Variants in KSR2 observed in about 807,000 individuals in gnomAD.
KSR2 encodes kinase suppressor of ras 2.
Under a neutral mutation model 107.8 loss-of-function variants are expected in KSR2, and 25 were observed. The observed-to-expected ratio is 0.23, with a 90% CI of 0.17 to 0.32. The LOEUF (loss-of-function observed/expected upper bound fraction) is 0.32, where lower values mean the gene tolerates loss of function less well. Ranked by LOEUF, KSR2 falls within the 10% of genes least tolerant of loss-of-function variation. KSR2 has a pLI of 1.00. For synonymous variants in KSR2, 480 were observed against 507.0 expected (o/e 0.95, Z 0.71); for missense variants, 887 against 1,268.9 (o/e 0.70, Z 4.57).
At chr12:117,687,953 G>A (rs1011923874) in intron 4 of KSR2, among the ~76,000 whole-genome samples, 4 of 152,148 alleles carry the variant, frequency 2.6e-5, no homozygotes, top group African/African-American at 9.7e-5. Flanking sequence ...TGTCAATCCT[G>A]AGAGTTATCC....
chr12:117,489,694 C>CAG (rs1872649057), intron 14 of KSR2, among the ~76,000 whole-genome samples: 1 of 152,126 alleles, frequency 6.6e-6, no homozygotes, highest in African/African-American at 2.4e-5. Context: ...AGAGTATTTG[C>CAG]AGATGGGCAA....
intron 3 of KSR2, among the ~76,000 whole-genome samples, chr12:117,780,285 G>A (rs192755956): frequency 4.0e-4 from 61 of 152,240 alleles, no homozygotes; most frequent in African/African-American, 1.0e-3. Context: ...CATTATTCAC[G>A]ATAGCCAAAA....
Position 117,548,078 on chromosome 12 carries a change from C to CAG in KSR2, c.1518+7089_1518+7090dup, listed in dbSNP as rs151115464. On this transcript the variant is annotated intron_variant, in intron 9 of 19. Coordinates refer to ENST00000339824, the MANE Select transcript of KSR2 (RefSeq NM_173598.6). ...CGCCACTGCATTCCAGCCTGGGTGACAGTGAGACTCCATCTTAAAAAAAAA... is the reference window on the plus strand; with the variant it reads ...CGCCACTGCATTCCAGCCTGGGTGACAGAGTGAGACTCCATCTTAAAAAAAAA... Among the ~76,000 whole-genome samples, 536 of 151,932 alleles carry CAG rather than the reference C, an allele frequency of 3.5e-3. 2 individuals are homozygous for CAG. Among genetic ancestry groups the CAG allele is most frequent in the African/African-American group, 0.012 (514 of 41,426 alleles).
At chr12:117,841,466 G>A (rs1045905020) in intron 3 of KSR2, among the ~76,000 whole-genome samples, 1 of 152,152 alleles carries the variant, frequency 6.6e-6, no homozygotes, top group Non-Finnish European at 1.5e-5. Flanking sequence ...TGGTTGCGAG[G>A]CTAAAACAAG....
At chr12:117,645,868 CGTGTGT>C (rs58896782) in intron 5 of KSR2, among the ~76,000 whole-genome samples, 16,411 of 141,836 alleles carry the variant, frequency 0.12, 1,102 homozygotes, top group East Asian at 0.33. Context: ...TGTGTATGTG[CGTGTGT>C]GTGTGTGTGT....
chr12:117,840,100 A>ATTTTTTTTT (rs60718801), intron 3 of KSR2, among the ~76,000 whole-genome samples: 1 of 133,050 alleles, frequency 7.5e-6, no homozygotes, highest in African/African-American at 2.9e-5. Context: ...ACTTTATTTT[A>ATTTTTTTTT]TTTTATTTTT....
intron 16 of KSR2, among the ~76,000 whole-genome samples, chr12:117,477,975 C>T (rs963974056): frequency 6.6e-6 from 1 of 152,230 alleles, no homozygotes; most frequent in Non-Finnish European, 1.5e-5. Context: ...CAAGACAGAG[C>T]TTTCCATGTG....
chr12:117,768,277 C>G (rs1022477688), intron 3 of KSR2, among the ~76,000 whole-genome samples: 4 of 152,212 alleles, frequency 2.6e-5, no homozygotes, highest in African/African-American at 7.2e-5. Flanking sequence ...AACATTGCTG[C>G]TGAATGCCAG....
intron 3 of KSR2, among the ~76,000 whole-genome samples, chr12:117,827,704 T>C (rs539692879): frequency 1.3e-5 from 2 of 152,372 alleles, no homozygotes; most frequent in East Asian, 3.9e-4. Flanking sequence ...GTGTTAAATA[T>C]TGGGCACTTT....
chr12:117,577,584 TCA>T (rs1879361969), intron 7 of KSR2, among the ~76,000 whole-genome samples: 1 of 152,082 alleles, frequency 6.6e-6, no homozygotes, highest in African/African-American at 2.4e-5. Context: ...TTTAATGGAC[TCA>T]CAGTTCCAAG....
At chr12:117,582,260 G>A in intron 6 of KSR2, 30 bp downstream of exon 6, 1 of 1,597,932 alleles carries the variant, frequency 6.3e-7, no homozygotes, top group Non-Finnish European at 8.6e-7. Flanking sequence ...CTGAGAAGTA[G>A]GCACCAGTGC....
intron 14 of KSR2, among the ~76,000 whole-genome samples, chr12:117,500,418 T>C (rs1873310173): frequency 6.6e-6 from 1 of 152,158 alleles, no homozygotes; most frequent in Non-Finnish European, 1.5e-5. Context: ...TTTACATAAA[T>C]CATATCCATA....
chr12:117,699,913 C>A (rs929716250), intron 4 of KSR2, among the ~76,000 whole-genome samples: 4 of 152,070 alleles, frequency 2.6e-5, no homozygotes, highest in Non-Finnish European at 4.4e-5. Context: ...CACTCTGTCA[C>A]CCTGGCTGGA....
chr12:117,826,156 T>A (rs747005873), intron 3 of KSR2, among the ~76,000 whole-genome samples: 4 of 151,904 alleles, frequency 2.6e-5, no homozygotes, highest in African/African-American at 9.7e-5. Flanking sequence ...AATGAATGAA[T>A]GAATGAATGA....
intron 5 of KSR2, among the ~76,000 whole-genome samples, chr12:117,623,940 T>C (rs948369899): frequency 4.6e-5 from 7 of 152,134 alleles, no homozygotes; most frequent in African/African-American, 1.7e-4. Context: ...TGTGAGATGG[T>C]ATCTCATTGT....
chr12:117,734,689 C>A (rs920179208), intron 4 of KSR2, among the ~76,000 whole-genome samples: 1 of 152,154 alleles, frequency 6.6e-6, no homozygotes, highest in African/African-American at 2.4e-5. Flanking sequence ...CCTGCTGAGA[C>A]CTGGCTTCAT....
intron 4 of KSR2, among the ~76,000 whole-genome samples, chr12:117,719,799 T>G (rs971437214): frequency 5.3e-5 from 8 of 152,256 alleles, no homozygotes; most frequent in African/African-American, 1.9e-4. Context: ...ACAAAGAAGA[T>G]GACCCTTCTA....
At chr12:117,680,539 A>ATCTCATCTC (rs1885322367) in intron 4 of KSR2, among the ~76,000 whole-genome samples, 1 of 152,134 alleles carries the variant, frequency 6.6e-6, no homozygotes, top group African/African-American at 2.4e-5. Context: ...CATTTGCTCC[A>ATCTCATCTC]TCTCATCTCT....
intron 14 of KSR2, among the ~76,000 whole-genome samples, chr12:117,514,756 C>G (rs1184704556): frequency 6.6e-6 from 1 of 151,968 alleles, no homozygotes; most frequent in African/African-American, 2.4e-5. Flanking sequence ...CTGTGCTGCC[C>G]AGGCTGGTCT....
Sources: gnomAD v4.1 joint callset for allele counts (sites outside exome capture counted in the v4.1 genomes callset) on GRCh38, gnomAD v4.1.1 for gene constraint, MANE v1.5 for transcripts, NCBI Gene and HGNC (gene_info 2026-07-23, HGNC 2026-07-21) for gene names.